Variants in SLAIN1 observed in about 807,000 individuals in gnomAD.
The protein encoded by SLAIN1 is SLAIN motif-containing protein 1.
In SLAIN1, 17 loss-of-function variants were observed where a neutral mutation model predicts 55.4. That is an observed-to-expected ratio of 0.31 (90% CI 0.21 to 0.46). SLAIN1 has a LOEUF of 0.46. Ranked by LOEUF, SLAIN1 falls within the 20% of genes least tolerant of loss-of-function variation. The probability of loss-of-function intolerance (pLI) is 1.00; values close to 1 mark genes in which losing one functional copy is unlikely to be tolerated. For synonymous variants in SLAIN1, 348 were observed against 337.4 expected (o/e 1.03, Z -0.35); for missense variants, 682 against 785.1 (o/e 0.87, Z 1.57).
intron 5 of SLAIN1, among the ~76,000 whole-genome samples, chr13:77,758,075 C>A (rs1255043432): frequency 1.3e-5 from 2 of 151,998 alleles, no homozygotes; most frequent in Non-Finnish European, 2.9e-5. Flanking sequence ...TCCCTTTTTG[C>A]CACATCCACA....
At chr13:77,717,435 TG>T (rs1180986033) in intron 1 of SLAIN1, among the ~76,000 whole-genome samples, 1 of 152,196 alleles carries the variant, frequency 6.6e-6, no homozygotes, top group African/African-American at 2.4e-5. Context: ...TAAAGTCTTC[TG>T]GGCCCAGGTT....
At chr13:77,731,652 T>C (rs1872865128) in intron 2 of SLAIN1, among the ~76,000 whole-genome samples, 1 of 152,130 alleles carries the variant, frequency 6.6e-6, no homozygotes, top group African/African-American at 2.4e-5. Flanking sequence ...TTACTTTCTT[T>C]ACCTTGGTCC....
intron 2 of SLAIN1, among the ~76,000 whole-genome samples, chr13:77,721,244 A>G (rs2091259191): frequency 6.6e-6 from 1 of 152,110 alleles, no homozygotes; most frequent in African/African-American, 2.4e-5. Context: ...CTCTCCTGCC[A>G]CCATGTAAGG....
chr13:77,716,679 G>A (rs2154409610), intron 1 of SLAIN1, among the ~76,000 whole-genome samples: 1 of 152,098 alleles, frequency 6.6e-6, no homozygotes, highest in East Asian at 1.9e-4. Context: ...TTCGTTTGTT[G>A]TTAATATATA....
In SLAIN1 at chr13:77,746,495, A is replaced by G. The variant is rs755098688; in HGVS notation, c.917-19A>G. ...TAGCTAGATCAAAATACATTAGAGT[A>G]CTATTTGTTATTTTATAGGTCTCAG... On this transcript the variant is annotated intron_variant, in intron 3 of 6. Coordinates refer to ENST00000418532, the MANE Select transcript of SLAIN1 (RefSeq NM_001242868.2). 3.2e-6 allele frequency: 5 copies of G among 1,569,282 alleles called. No individual in the cohort carries two copies. The highest frequency in any genetic ancestry group is 2.6e-6 in the Non-Finnish European group (3 of 1,150,186).
At chr13:77,733,125 G>A (rs1445659251) in intron 2 of SLAIN1, among the ~76,000 whole-genome samples, 1 of 152,034 alleles carries the variant, frequency 6.6e-6, no homozygotes, top group Non-Finnish European at 1.5e-5. Flanking sequence ...GATTTCCGTG[G>A]AATAAATGTT....
chr13:77,698,202 G>C lies in SLAIN1; in HGVS notation c.289G>C (p.Gly97Arg). The C allele has an allele frequency of 8.1e-7, 1 of 1,232,370 alleles. No individual in the cohort carries two copies. Among genetic ancestry groups the C allele is most frequent in the Admixed American group, 4.4e-5 (1 of 22,924 alleles). 76.3% of individuals were successfully genotyped at this position (1,232,370 alleles called of 1,614,324 possible). A position where few individuals can be genotyped will look rare whatever the true frequency, so the allele number is the denominator to read the frequency against. The change falls in exon 1 of 7, where the codon GGG becomes CGG. Residue 97 changes from glycine (G) to arginine (R), a missense_variant. Gly to Arg is a moderately radical substitution (Grantham distance 125, BLOSUM62 -2). Coordinates refer to ENST00000418532, the MANE Select transcript of SLAIN1 (RefSeq NM_001242868.2). This position sits in a 1 kb window ranked among gnomAD's most constrained non-coding sequence, Gnocchi z 4.1. ...TATAAASGGL[G>R]LGLALGAGGG... The stretch of plus-strand genomic sequence containing the variant: ...CACCGCCGCGGCCTCAGGGGGCCTG[G>C]GGCTCGGGCTGGCGCTGGGCGCGGG...
chr13:77,741,332 C>A, intron 2 of SLAIN1: 1 of 987,372 alleles, frequency 1.0e-6, no homozygotes, highest in Non-Finnish European at 1.2e-6. Flanking sequence ...GCATTATTAA[C>A]CCCTAGTTTG....
In SLAIN1 at chr13:77,763,207, A is replaced by T. The variant is rs1875195397; in HGVS notation, c.1760A>T (p.Asp587Val). ...LSTLRDGNWR[D>V]GCY is the part of the protein sequence containing the mutation. ...ACTCTGAGGGATGGAAATTGGAGAG[A>T]TGGTTGCTACTAATGCAGTTTTATG... The change falls in exon 7 of 7, where the codon GAT becomes GTT. Residue 587 changes from aspartate to valine, a missense_variant. Coordinates refer to ENST00000418532, the MANE Select transcript of SLAIN1 (RefSeq NM_001242868.2). 2 of 1,613,760 alleles carry T rather than the reference A, an allele frequency of 1.2e-6. No homozygotes were observed. The highest frequency in any genetic ancestry group is 2.7e-5 in the African/African-American group (2 of 74,912).
At chr13:77,760,558 T>C (rs1415368126) in intron 5 of SLAIN1, among the ~76,000 whole-genome samples, 1 of 152,154 alleles carries the variant, frequency 6.6e-6, no homozygotes, top group African/African-American at 2.4e-5. Flanking sequence ...TCAGACATCA[T>C]CACATTTGTA....
chr13:77,716,579 A>G (rs1011622032), intron 1 of SLAIN1, among the ~76,000 whole-genome samples: 2 of 152,146 alleles, frequency 1.3e-5, no homozygotes, highest in Non-Finnish European at 2.9e-5. Flanking sequence ...TTCAGGTCCT[A>G]CACATCTTTT....
At chr13:77,702,826 GA>G (rs2091044485) in intron 1 of SLAIN1, among the ~76,000 whole-genome samples, 1 of 152,092 alleles carries the variant, frequency 6.6e-6, no homozygotes, top group Non-Finnish European at 1.5e-5. Flanking sequence ...TAGAAAATCA[GA>G]GTTTATCACA....
intron 3 of SLAIN1, 71 bp from the exon 4 acceptor site, chr13:77,746,443 A>G: frequency 7.6e-7 from 1 of 1,316,326 alleles, no homozygotes; most frequent in Non-Finnish European, 1.0e-6. Flanking sequence ...TTTTTCATCT[A>G]ATACTTGGTT....
intron 1 of SLAIN1, among the ~76,000 whole-genome samples, chr13:77,710,343 G>A (rs1311163596): frequency 6.6e-6 from 1 of 152,050 alleles, no homozygotes; most frequent in Non-Finnish European, 1.5e-5. Context: ...CATCTCACAT[G>A]CAAAGGCACA....
intron 3 of SLAIN1, 69 bp from the exon 4 acceptor site, chr13:77,746,445 T>C: frequency 7.5e-7 from 1 of 1,331,106 alleles, no homozygotes; most frequent in Non-Finnish European, 1.0e-6. Flanking sequence ...TTTCATCTAA[T>C]ACTTGGTTAA....
chr13:77,707,982 T>C (rs1449653223), intron 1 of SLAIN1, among the ~76,000 whole-genome samples: 2 of 152,184 alleles, frequency 1.3e-5, no homozygotes, highest in African/African-American at 4.8e-5. Context: ...GACTTTCAAC[T>C]GGATTCACTG....
At chr13:77,715,602 A>G (rs1319202991) in intron 1 of SLAIN1, among the ~76,000 whole-genome samples, 3 of 152,250 alleles carry the variant, frequency 2.0e-5, no homozygotes, top group South Asian at 2.1e-4. Flanking sequence ...AACACTTGCT[A>G]TGGGTAGTAT....
chr13:77,700,338 G>T (rs1477728862), intron 1 of SLAIN1, among the ~76,000 whole-genome samples: 1 of 152,122 alleles, frequency 6.6e-6, no homozygotes, highest in African/African-American at 2.4e-5. Flanking sequence ...GTTGAAGCAG[G>T]TTCTATTTCA....
At chr13:77,716,472 A>G (rs1426234207) in intron 1 of SLAIN1, among the ~76,000 whole-genome samples, 1 of 152,060 alleles carries the variant, frequency 6.6e-6, no homozygotes, top group Non-Finnish European at 1.5e-5. Flanking sequence ...TTTAAGGAGA[A>G]TTGACATCTT....
Sources: gnomAD v4.1 joint callset for allele counts (sites outside exome capture counted in the v4.1 genomes callset) on GRCh38, gnomAD v4.1.1 for gene constraint, Gnocchi (gnomAD v3.1) non-coding constraint, MANE v1.5 for transcripts, NCBI Gene and HGNC (gene_info 2026-07-23, HGNC 2026-07-21) for gene names.